Variants in KCNT1 observed in about 807,000 individuals in gnomAD.
KCNT1 encodes the protein potassium sodium-activated channel subfamily T member 1.
Under a neutral mutation model 147.8 loss-of-function variants are expected in KCNT1, and 78 were observed. The ratio of observed to expected loss-of-function variants is 0.53; its 90% CI spans 0.44 to 0.64. The LOEUF (loss-of-function observed/expected upper bound fraction) is 0.64, where lower values mean the gene tolerates loss of function less well. Among genes scored for constraint, KCNT1 ranks in the 30% least tolerant of loss-of-function variants. KCNT1 has a pLI of 0.00. For missense variants in KCNT1, 1,419 were observed against 1,750.3 expected (o/e 0.81, Z 3.38); for synonymous variants, 867 against 748.8 (o/e 1.16, Z -2.58).
intron 1 of KCNT1, among the ~76,000 whole-genome samples, chr9:135,712,536 C>G (rs1435516714): frequency 1.3e-5 from 2 of 152,054 alleles, no homozygotes; most frequent in Admixed American, 1.3e-4. Context: ...AGGGACCAGA[C>G]CCCCCAACAC....
At chr9:135,734,705 G>T (rs973467924) in intron 2 of KCNT1, among the ~76,000 whole-genome samples, 2 of 152,166 alleles carry the variant, frequency 1.3e-5, no homozygotes, top group Admixed American at 1.3e-4. Flanking sequence ...CAGCCGCCCC[G>T]GGTGGGCGCG....
At chr9:135,769,231 G>GC (rs1491310170) in intron 15 of KCNT1, among the ~76,000 whole-genome samples, 18 of 137,688 alleles carry the variant, frequency 1.3e-4, no homozygotes, top group African/African-American at 2.9e-4. Flanking sequence ...ACGTGTGCAC[G>GC]TGTGTGTCGG....
chr9:135,773,393 C>T (rs1832896423), intron 19 of KCNT1, among the ~76,000 whole-genome samples: 1 of 152,204 alleles, frequency 6.6e-6, no homozygotes, highest in African/African-American at 2.4e-5. Flanking sequence ...CACCCAGTGC[C>T]CTAGGTCTCC....
chr9:135,728,313 CACCCCGA>C (rs1468161357), intron 2 of KCNT1, among the ~76,000 whole-genome samples: 1 of 152,232 alleles, frequency 6.6e-6, no homozygotes, highest in African/African-American at 2.4e-5. Flanking sequence ...AGCCCCAGGA[CACCCCGA>C]CACCAGGAAA....
chr9:135,751,826 C>T (rs910511237), intron 4 of KCNT1, among the ~76,000 whole-genome samples: 1 of 152,182 alleles, frequency 6.6e-6, no homozygotes, highest in Non-Finnish European at 1.5e-5. Context: ...CTCCCTGGCA[C>T]TCGGATGCTG....
intron 1 of KCNT1, among the ~76,000 whole-genome samples, chr9:135,713,019 C>T (rs1273613050): frequency 6.6e-6 from 1 of 152,244 alleles, no homozygotes; most frequent in Non-Finnish European, 1.5e-5. Context: ...AGCCCCTGAG[C>T]TTGTCCATGG....
At chr9:135,782,770 G>A (rs373914953) in intron 24 of KCNT1, among the ~76,000 whole-genome samples, 1 of 152,184 alleles carries the variant, frequency 6.6e-6, no homozygotes, top group Non-Finnish European at 1.5e-5. Context: ...TTTCACGTTC[G>A]TCTCCGCGAA....
intron 1 of KCNT1, among the ~76,000 whole-genome samples, chr9:135,713,551 T>G (rs1835591136): frequency 6.6e-6 from 1 of 152,132 alleles, no homozygotes; most frequent in South Asian, 2.1e-4. Flanking sequence ...GGACCTGGTG[T>G]TCCAAATGAG....
chr9:135,725,152 C>A (rs1288770522), intron 2 of KCNT1, among the ~76,000 whole-genome samples: 1 of 152,038 alleles, frequency 6.6e-6, no homozygotes. Context: ...ACGGAGTCCT[C>A]AGAAGGGCGG....
At chr9:135,788,263 G>A (rs1187150037) in intron 29 of KCNT1, 2 of 999,722 alleles carry the variant, frequency 2.0e-6, no homozygotes, top group Non-Finnish European at 3.2e-6. Flanking sequence ...CAGGTGGACA[G>A]GAGCTGTGAG....
chr9:135,778,710 G>A lies in KCNT1; in HGVS notation c.2617G>A (p.Gly873Ser), dbSNP rs775397386. 6.2e-7 allele frequency: 1 copy of A among 1,613,662 alleles called. No homozygotes were observed. Among genetic ancestry groups the A allele is most frequent in the African/African-American group, 1.3e-5 (1 of 74,874 alleles). The change falls in exon 23 of 31, where the codon GGC becomes AGC. Residue 873 changes from glycine (G) to serine (S), a missense_variant. Gly to Ser is a moderately conservative substitution (Grantham distance 56). Around this residue, in one of 5 missense-constraint regions of KCNT1, gnomAD observed 247 missense variants for 397.1 expected, o/e 0.62. Coordinates refer to ENST00000371757, the MANE Select transcript of KCNT1 (RefSeq NM_020822.3). ...CAGCCTGGACAGCCTGCTGCAGTGT[G>A]GCATCATCTATGCGGACAACCTGGT... ...VDNLDSLLQC[G>S]IIYADNLVVV...
At chr9:135,764,657 CAGTG>C (rs1300190750) in intron 11 of KCNT1, among the ~76,000 whole-genome samples, 2 of 152,300 alleles carry the variant, frequency 1.3e-5, no homozygotes, top group East Asian at 1.9e-4. Flanking sequence ...AGGCTCCTGA[CAGTG>C]AGGCCTGCGA....
chr9:135,732,608 C>T (rs1273951097), intron 2 of KCNT1, among the ~76,000 whole-genome samples: 1 of 152,144 alleles, frequency 6.6e-6, no homozygotes, highest in Admixed American at 6.5e-5. Flanking sequence ...TGAACAGGCT[C>T]ATCTCATCTT....
At position 135,730,180 on chromosome 9, in the gene KCNT1, T is replaced by G. The variant is rs1023827709; in HGVS notation, c.254+15460T>G. ...ATGACAGATTTTCACAGTAAGGCAG[T>G]GTTGAATTGCAGCCTCTAGTGGCGA... On this transcript the variant is annotated intron_variant, in intron 2 of 30. Transcript: ENST00000371757. The surrounding 1 kb of genome is among the most constrained non-coding windows in gnomAD (Gnocchi z 4.7). Among the ~76,000 whole-genome samples, 1 of 152,164 alleles carries G rather than the reference T, an allele frequency of 6.6e-6. No individual in the cohort carries two copies. The highest frequency in any genetic ancestry group is 2.4e-5 in the African/African-American group (1 of 41,442).
intron 2 of KCNT1, among the ~76,000 whole-genome samples, chr9:135,740,256 T>C (rs1444501598): frequency 6.6e-6 from 1 of 152,166 alleles, no homozygotes; most frequent in Non-Finnish European, 1.5e-5. Flanking sequence ...CCGCCCGAGA[T>C]AAGGGGGTGC....
At chr9:135,739,708 C>T (rs1830484608) in intron 2 of KCNT1, among the ~76,000 whole-genome samples, 1 of 152,188 alleles carries the variant, frequency 6.6e-6, no homozygotes, top group Non-Finnish European at 1.5e-5. Context: ...CTGAGGTGCC[C>T]CCGCCCTCCT....
At chr9:135,703,421 G>A (rs985895033) in intron 1 of KCNT1, among the ~76,000 whole-genome samples, 1 of 152,204 alleles carries the variant, frequency 6.6e-6, no homozygotes, top group East Asian at 1.9e-4. Context: ...GGCTGCCTCT[G>A]GTGAGGGACC....
At chr9:135,731,326 A>G (rs756585185) in intron 2 of KCNT1, among the ~76,000 whole-genome samples, 4 of 152,196 alleles carry the variant, frequency 2.6e-5, no homozygotes, top group Admixed American at 6.5e-5. Context: ...TTTGGATCAC[A>G]GTGTCCTGCA....
In KCNT1 at chr9:135,792,485, C is replaced by T. The variant is rs574839675; in HGVS notation, c.*324C>T. ...GCAGGGACTGGACGCCCTACAGGGC[C>T]GAGCCCAGGCTGTGCTGGAGGGTGG... On this transcript the variant is annotated 3_prime_UTR_variant, in exon 31 of 31. Coordinates refer to ENST00000371757, the MANE Select transcript of KCNT1 (RefSeq NM_020822.3). The T allele has an allele frequency of 2.5e-4, 59 of 238,946 alleles. No homozygotes were observed. The highest frequency in any genetic ancestry group is 1.6e-3 in the Middle Eastern group (1 of 642). The allele number at this position is 238,946 out of a possible 1,614,324, so 14.8% of individuals were successfully genotyped here.
Sources: allele counts gnomAD v4.1 joint callset (sites outside exome capture counted in the v4.1 genomes callset), GRCh38; gene constraint gnomAD v4.1.1; regional missense constraint gnomAD v4.1.1; non-coding constraint Gnocchi (gnomAD v3.1); transcripts MANE v1.5; gene names NCBI Gene and HGNC (gene_info 2026-07-23, HGNC 2026-07-21).